The following ZNF511 variants were observed in gnomAD, a reference collection of about 807,000 sequenced individuals.
The protein encoded by ZNF511 is zinc finger protein 511.
Under a neutral mutation model 24.8 loss-of-function variants are expected in ZNF511, and 26 were observed. The ratio of observed to expected loss-of-function variants is 1.05; its 90% CI spans 0.77 to 1.46. The LOEUF is 1.46. Among genes scored for constraint, ZNF511 ranks in the 40% most tolerant of loss-of-function variants. The pLI is 0.00. For synonymous variants in ZNF511, 144 were observed against 139.6 expected (o/e 1.03, Z -0.22); for missense variants, 358 against 345.0 (o/e 1.04, Z -0.30).
At chr10:133,311,210 C>T (rs572486582) in intron 4 of ZNF511, among the ~76,000 whole-genome samples, 1 of 152,274 alleles carries the variant, frequency 6.6e-6, no homozygotes, top group Admixed American at 6.5e-5. Context: ...TCTACATTTT[C>T]TCAAGTAGTA....
At chr10:133,311,027 C>T (rs1436489460) in intron 4 of ZNF511, among the ~76,000 whole-genome samples, 1 of 152,196 alleles carries the variant, frequency 6.6e-6, no homozygotes, top group Admixed American at 6.5e-5. Flanking sequence ...GTCGTGAACT[C>T]CTGGGCTCAA....
At position 133,312,790 on chromosome 10, in the gene ZNF511, T is replaced by C; in HGVS notation, c.683T>C (p.Ile228Thr). The C allele has an allele frequency of 6.2e-7, 1 of 1,614,226 alleles. No individual in the cohort carries two copies. The highest frequency in any genetic ancestry group is 8.5e-7 in the Non-Finnish European group (1 of 1,180,036). The change falls in exon 6 of 6, where the codon ATA becomes ACA. Residue 228 changes from isoleucine (I) to threonine (T), a missense_variant and splice_region_variant. Physicochemically the swap from Ile to Thr is moderately conservative, Grantham distance 89. Transcript: ENST00000361518. Reference sequence around the variant, plus strand: ...ATAGAAACTTTCTTCCATCCCAGAATACCCTCTACCATCTGCTTTGGTCAG... The same window carrying C: ...ATAGAAACTTTCTTCCATCCCAGAACACCCTCTACCATCTGCTTTGGTCAG... ...AGERRIYRHR[I>T]PSTICFGQGA... is the part of the protein sequence containing the mutation.
In ZNF511 at chr10:133,312,777, T is replaced by C; in HGVS notation, c.681-11T>C. 6.2e-7 allele frequency: 1 copy of C among 1,614,202 alleles called. No homozygotes were observed. The highest frequency in any genetic ancestry group is 8.5e-7 in the Non-Finnish European group (1 of 1,180,018). The stretch of plus-strand genomic sequence containing the variant: ...AATACAGCATCTAATAGAAACTTTC[T>C]TCCATCCCAGAATACCCTCTACCAT... On this transcript the variant is annotated splice_polypyrimidine_tract_variant and intron_variant, in intron 5 of 5. Coordinates refer to ENST00000361518, the MANE Select transcript of ZNF511 (RefSeq NM_145806.4).
intron 4 of ZNF511, 179 bp from the exon 5 acceptor site, chr10:133,311,537 G>A: frequency 3.4e-6 from 2 of 588,558 alleles, no homozygotes; most frequent in Non-Finnish European, 3.0e-6. Context: ...TGGCCTTGCT[G>A]TAATCATTCT....
Position 133,308,990 on chromosome 10 carries a change from G to C in ZNF511, c.47G>C (p.Gly16Ala), listed in dbSNP as rs1431184716. 3 of 1,247,016 alleles carry C rather than the reference G, an allele frequency of 2.4e-6. No homozygotes were observed. The highest frequency in any genetic ancestry group is 3.9e-5 in the South Asian group (1 of 25,904). The allele number at this position is 1,247,016 out of a possible 1,614,324, so 77.2% of individuals were successfully genotyped here. ...ALCARLAAGP[G>A]AAEPLPVERD... ...TGCGCCCGCCTCGCTGCGGGGCCCG[G>C]GGCGGCGGAGCCGCTGCCTGTAGAG... The change falls in exon 1 of 6, where the codon GGG becomes GCG. Residue 16 changes from glycine (G) to alanine (A), a missense_variant. Gly to Ala is a moderately conservative substitution (Grantham distance 60). Transcript: ENST00000361518.
rs1847906704 is a variant in ZNF511 at position 133,308,938 on chromosome 10, G to A, written c.-6G>A. 1.1e-5 allele frequency: 13 copies of A among 1,224,986 alleles called. No individual in the cohort carries two copies. The South Asian group carries it at 1.6e-4, about 15-fold the overall frequency. 75.9% of individuals were successfully genotyped at this position (1,224,986 alleles called of 1,614,324 possible). A position where few individuals can be genotyped will look rare whatever the true frequency, so the allele number is the denominator to read the frequency against. On this transcript the variant is annotated 5_prime_UTR_variant, in exon 1 of 6. Transcript: ENST00000361518. ...CGACAGGCTGCGCCCGCCCGCGCCC[G>A]GGGTGATGCAGTTGCCCCCCGCGCT... is the stretch of plus-strand genomic sequence containing the variant.
intron 5 of ZNF511, chr10:133,312,192 A>C: frequency 7.1e-7 from 1 of 1,412,208 alleles, no homozygotes; most frequent in Middle Eastern, 2.6e-4. Flanking sequence ...TTCTAGCGTC[A>C]CCTGTGCCGT....
chr10:133,311,816 G>C lies in ZNF511; in HGVS notation c.655G>C (p.Gly219Arg), dbSNP rs1847995761. The C allele has an allele frequency of 3.1e-6, 5 of 1,613,254 alleles. No individual in the cohort carries two copies. The Admixed American group carries it at 8.3e-5, about 27-fold the overall frequency. ...EPVAASPAPA[G>R]ERRIYRHRIP... ...TGTGGCAGCCTCCCCTGCACCGGCA[G>C]GTGAGAGGCGGATCTACAGACATAG... The change falls in exon 5 of 6, where the codon GGT (glycine) becomes CGT (arginine). Residue 219 changes from glycine (G) to arginine (R), a missense_variant. Gly to Arg is a moderately radical substitution (Grantham distance 125). Coordinates refer to ENST00000361518, the MANE Select transcript of ZNF511 (RefSeq NM_145806.4).
intron 5 of ZNF511, chr10:133,312,446 G>A (rs1848012759): frequency 8.2e-7 from 1 of 1,213,430 alleles, no homozygotes; most frequent in Non-Finnish European, 1.0e-6. Context: ...CAGATGCCTG[G>A]ACTTTGGCCT....
At position 133,312,868 on chromosome 10, in the gene ZNF511, A is replaced by T. The variant is rs750270771; in HGVS notation, c.*2A>T. ...AAGAAGAAAACCAAACAATGCTGAT[A>T]GACTCAGAAAAGGAGTGGGGGGCAG... On this transcript the variant is annotated 3_prime_UTR_variant, in exon 6 of 6. Transcript: ENST00000361518. 6 of 1,614,172 alleles carry T rather than the reference A, an allele frequency of 3.7e-6. No individual in the cohort carries two copies. In the South Asian group the frequency reaches 6.6e-5, roughly 18 times the overall value.
At chr10:133,312,162 A>ATCACCTGTGCCGTCTGCGTCTCTAGCG in intron 5 of ZNF511, 1 of 1,335,908 alleles carries the variant, frequency 7.5e-7, no homozygotes, top group Non-Finnish European at 9.8e-7. Context: ...CCTTAATAGC[A>ATCACCTGTGCCGTCTGCGTCTCTAGCG]TCACCTGTGC....
Position 133,308,973 on chromosome 10 carries a change from C to T in ZNF511, c.30C>T (p.Arg10=), listed in dbSNP as rs1486640835. ...AGTTGCCCCCCGCGCTGTGCGCCCG[C>T]CTCGCTGCGGGGCCCGGGGCGGCGG... The part of the protein sequence containing the change: MQLPPALCA[R]LAAGPGAAEP... The change falls in exon 1 of 6, where the codon CGC becomes CGT. Residue 10 remains arginine, a synonymous_variant. Coordinates refer to ENST00000361518, the MANE Select transcript of ZNF511 (RefSeq NM_145806.4). 1 of 1,243,268 alleles carries T rather than the reference C, an allele frequency of 8.0e-7. No homozygotes were observed. Among genetic ancestry groups the T allele is most frequent in the East Asian group, 3.2e-5 (1 of 31,370 alleles). The allele number at this position is 1,243,268 out of a possible 1,614,324, so 77.0% of individuals were successfully genotyped here.
At position 133,309,235 on chromosome 10, in the gene ZNF511, GGT is replaced by G. The variant is rs1564777563; in HGVS notation, c.153+141_153+142del. 13 of 975,244 alleles carry G rather than the reference GGT, an allele frequency of 1.3e-5. No individual in the cohort carries two copies. In the African/African-American group the frequency reaches 3.1e-4, roughly 24 times the overall value. The allele number at this position is 975,244 out of a possible 1,614,324, so 60.4% of individuals were successfully genotyped here. A position where few individuals can be genotyped will look rare whatever the true frequency, so the allele number is the denominator to read the frequency against. On this transcript the variant is annotated intron_variant, in intron 1 of 5. Coordinates refer to ENST00000361518, the MANE Select transcript of ZNF511 (RefSeq NM_145806.4). The stretch of plus-strand genomic sequence containing the variant: ...GCCTGGGACAGGCGGGACCTGAGGT[GGT>G]GGGGCGGGGCCGGAACGTGGAGTGG...
In ZNF511 at chr10:133,312,599, G is replaced by C. The variant is rs566351726; in HGVS notation, c.681-189G>C. 40 of 1,478,326 alleles carry C rather than the reference G, an allele frequency of 2.7e-5. No homozygotes were observed. In the African/African-American group the frequency reaches 4.9e-4, roughly 18 times the overall value. 91.6% of individuals were successfully genotyped at this position (1,478,326 alleles called of 1,614,324 possible). A position where few individuals can be genotyped will look rare whatever the true frequency, so the allele number is the denominator to read the frequency against. On this transcript the variant is annotated intron_variant, in intron 5 of 5. Transcript: ENST00000361518. ...CAGCGGGTGTGCGTTGGTGGCTGGCGGGGACCCCCCACAGGAACTAGGTCT... is the reference window on the plus strand; with the variant it reads ...CAGCGGGTGTGCGTTGGTGGCTGGCCGGGACCCCCCACAGGAACTAGGTCT...
chr10:133,309,121 G>A (rs756902688), intron 1 of ZNF511, 25 bp downstream of exon 1: 3 of 1,348,450 alleles, frequency 2.2e-6, no homozygotes, highest in Non-Finnish European at 2.9e-6. Context: ...GAGGGAAAAA[G>A]TAGTTGTAGG....
Position 133,309,410 on chromosome 10 carries a change from C to T in ZNF511, c.174C>T (p.His58=), listed in dbSNP as rs1352099285. ...QFFEDGDVQR[H]LYLQDVIMQV... is the part of the protein sequence containing the mutation. Reference sequence around the variant, plus strand: ...TGCAGGATGGGGACGTGCAGCGCCACCTCTACCTCCAGGACGTGATCATGC... The same window carrying T: ...TGCAGGATGGGGACGTGCAGCGCCATCTCTACCTCCAGGACGTGATCATGC... Residue 58 remains histidine, a synonymous_variant, in exon 2 of 6, where the codon CAC becomes CAT. Coordinates refer to ENST00000361518, the MANE Select transcript of ZNF511 (RefSeq NM_145806.4). The T allele has an allele frequency of 4.3e-6, 7 of 1,612,290 alleles. No individual in the cohort carries two copies. Among genetic ancestry groups the T allele is most frequent in the Non-Finnish European group, 5.9e-6 (7 of 1,179,696 alleles).
rs146350657 is a variant in ZNF511, at chr10:133,310,253, G to T, written c.519G>T (p.Ala173=). The change falls in exon 4 of 6, where the codon GCG becomes GCT. Residue 173 remains alanine, a synonymous_variant. Transcript: ENST00000361518. ...DHMVRMHLYP[A]DFRFDKPKKS... Reference sequence around the variant, plus strand: ...TGGTGAGGATGCACCTGTACCCCGCGGACTTCCGGTTTGATAAGCCAAAGA... The same window carrying T: ...TGGTGAGGATGCACCTGTACCCCGCTGACTTCCGGTTTGATAAGCCAAAGA... 1 of 1,614,038 alleles carries T rather than the reference G, an allele frequency of 6.2e-7. No homozygotes were observed. The highest frequency in any genetic ancestry group is 2.2e-5 in the East Asian group (1 of 44,892).
At position 133,311,736 on chromosome 10, in the gene ZNF511, C is replaced by T; in HGVS notation, c.575C>T (p.Pro192Leu). The change falls in exon 5 of 6, where the codon CCA becomes CTA. Residue 192 changes from proline (P) to leucine (L), a missense_variant. Pro to Leu is a moderately conservative substitution (Grantham distance 98). Coordinates refer to ENST00000361518, the MANE Select transcript of ZNF511 (RefSeq NM_145806.4). ...KSRSPASAEA[P>L]GDSGERSEGE... Reference sequence around the variant, plus strand: ...CGCAGCCCAGCCTCAGCAGAAGCCCCAGGGGACAGTGGAGAGCGGTCAGAA... The same window carrying T: ...CGCAGCCCAGCCTCAGCAGAAGCCCTAGGGGACAGTGGAGAGCGGTCAGAA... 3 of 1,613,570 alleles carry T rather than the reference C, an allele frequency of 1.9e-6. No homozygotes were observed. Among genetic ancestry groups the T allele is most frequent in the Non-Finnish European group, 2.5e-6 (3 of 1,179,972 alleles).
At chr10:133,311,680 C>G (rs769653451) in intron 4 of ZNF511, 36 bp from the exon 5 acceptor site, 5 of 1,546,158 alleles carry the variant, frequency 3.2e-6, no homozygotes, top group Non-Finnish European at 8.9e-7. Context: ...CTGTGGGAGC[C>G]GTGCAGGGCA....
Sources: allele counts gnomAD v4.1 joint callset (sites outside exome capture counted in the v4.1 genomes callset), GRCh38; gene constraint gnomAD v4.1.1; transcripts MANE v1.5; gene names NCBI Gene and HGNC (gene_info 2026-07-23, HGNC 2026-07-21).